STIM1: variants seen among roughly 807,000 people sequenced by gnomAD.
STIM1 encodes the protein stromal interaction molecule 1.
Under a neutral mutation model 74.7 loss-of-function variants are expected in STIM1, and 25 were observed. The observed-to-expected ratio is 0.33, with a 90% confidence interval of 0.24 to 0.47. STIM1 has a LOEUF of 0.47. Among genes scored for constraint, STIM1 ranks in the 20% least tolerant of loss-of-function variants. The pLI, the probability that STIM1 is intolerant of heterozygous loss-of-function variation, is 1.00. For missense variants in STIM1, 728 were observed against 920.8 expected, an observed-to-expected ratio of 0.79 and a Z score of 2.71; for synonymous variants, 328 against 348.8, an observed-to-expected ratio of 0.94 and a Z score of 0.66.
At chr11:3,935,411 C>T (rs931035061) in intron 1 of STIM1, among the ~76,000 whole-genome samples, 13 of 152,194 alleles carry the variant, frequency 8.5e-5, no homozygotes, top group African/African-American at 1.2e-4. Context: ...TTTGTAATGC[C>T]TGTAGATTGT....
chr11:3,954,654 T>C (rs2093189132), intron 1 of STIM1, among the ~76,000 whole-genome samples: 2 of 152,118 alleles, frequency 1.3e-5, no homozygotes, highest in South Asian at 2.1e-4. Flanking sequence ...ATCAGCAGCA[T>C]GAGTCAGAAT....
At chr11:3,857,576 A>C (rs1315177254) in intron 1 of STIM1, among the ~76,000 whole-genome samples, 1 of 151,976 alleles carries the variant, frequency 6.6e-6, no homozygotes, top group Non-Finnish European at 1.5e-5. Context: ...TTACGAGATC[A>C]GTTCTCTTTT....
chr11:4,079,599 T>G (rs543395897), intron 7 of STIM1, among the ~76,000 whole-genome samples: 1 of 152,086 alleles, frequency 6.6e-6, no homozygotes, highest in African/African-American at 2.4e-5. Context: ...TAAAAATAAC[T>G]ATATCAAACC....
At chr11:3,975,824 T>C (rs2093442456) in intron 2 of STIM1, among the ~76,000 whole-genome samples, 1 of 152,118 alleles carries the variant, frequency 6.6e-6, no homozygotes, top group East Asian at 1.9e-4. Flanking sequence ...TTAGAATGGC[T>C]AAAAATAAAA....
intron 2 of STIM1, among the ~76,000 whole-genome samples, chr11:3,986,915 C>T (rs192519394): frequency 9.5e-4 from 144 of 152,274 alleles, no homozygotes; most frequent in Non-Finnish European, 1.8e-3. Context: ...TGCATCAGGC[C>T]TTCTCAGGTA....
intron 1 of STIM1, among the ~76,000 whole-genome samples, chr11:3,910,530 C>A (rs567863807): frequency 2.0e-5 from 3 of 151,930 alleles, no homozygotes; most frequent in African/African-American, 7.3e-5. Flanking sequence ...GAGTTCAAGA[C>A]CAGCCTAGGC....
chr11:4,091,628 G>C lies in STIM1; in HGVS notation c.1981G>C (p.Val661Leu), dbSNP rs1590703566. The change falls in exon 13 of 13, where the codon GTT becomes CTT. Residue 661 changes from valine (V) to leucine (L), a missense_variant. Coordinates refer to ENST00000526596, the MANE Select transcript of STIM1 (RefSeq NM_001382567.1). The stretch of plus-strand genomic sequence containing the variant: ...CCCAGACCCAGACACACCATCTCCA[G>C]TTGGGGACAGCCGAGCCCTGCAAGC... ...SSPDPDTPSP[V>L]GDSRALQASR... 3.1e-6 allele frequency: 5 copies of C among 1,614,200 alleles called. No individual in the cohort carries two copies. The highest frequency in any genetic ancestry group is 4.2e-6 in the Non-Finnish European group (5 of 1,180,036).
At chr11:3,984,642 A>G (rs1187224828) in intron 2 of STIM1, among the ~76,000 whole-genome samples, 1 of 152,216 alleles carries the variant, frequency 6.6e-6, no homozygotes, top group Non-Finnish European at 1.5e-5. Context: ...TGAGTTTATT[A>G]GAATAGCTTT....
intron 1 of STIM1, among the ~76,000 whole-genome samples, chr11:3,930,651 G>C (rs553934625): frequency 6.6e-6 from 1 of 152,280 alleles, no homozygotes; most frequent in Admixed American, 6.5e-5. Flanking sequence ...TTAGCTTGGC[G>C]TACAAGGCAT....
At chr11:4,064,365 A>G (rs1361205260) in intron 5 of STIM1, among the ~76,000 whole-genome samples, 3 of 152,020 alleles carry the variant, frequency 2.0e-5, no homozygotes, top group African/African-American at 7.2e-5. Flanking sequence ...AAAAATCCCT[A>G]TTTCAGTTCT....
At chr11:3,873,951 T>C (rs561596122) in intron 1 of STIM1, among the ~76,000 whole-genome samples, 2 of 152,290 alleles carry the variant, frequency 1.3e-5, no homozygotes, top group African/African-American at 4.8e-5. Context: ...GTGGTTATAG[T>C]CTTTTAAGGT....
intron 1 of STIM1, among the ~76,000 whole-genome samples, chr11:3,960,653 C>T (rs113614384): frequency 5.9e-5 from 9 of 152,078 alleles, no homozygotes; most frequent in African/African-American, 2.2e-4. Context: ...AGAAACCTAC[C>T]GCTTGTTGAG....
chr11:3,890,581 G>A (rs1228578049), intron 1 of STIM1, among the ~76,000 whole-genome samples: 2 of 152,102 alleles, frequency 1.3e-5, no homozygotes, highest in African/African-American at 4.8e-5. Flanking sequence ...GGTGGCACAC[G>A]CCTGTAATCC....
intron 1 of STIM1, among the ~76,000 whole-genome samples, chr11:3,958,990 G>C (rs1015295717): frequency 1.3e-5 from 2 of 149,338 alleles, no homozygotes; most frequent in Non-Finnish European, 1.5e-5. Context: ...TGGCCAGAGC[G>C]TCCATCCCTT....
chr11:4,088,183 T>C (rs1199278451), intron 12 of STIM1, among the ~76,000 whole-genome samples: 1 of 152,208 alleles, frequency 6.6e-6, no homozygotes, highest in Non-Finnish European at 1.5e-5. Flanking sequence ...ATACCCAAGA[T>C]GGTAGACTAG....
intron 4 of STIM1, chr11:4,058,644 T>G: frequency 3.7e-6 from 1 of 272,174 alleles, no homozygotes; most frequent in Non-Finnish European, 5.6e-6. Context: ...GGCTTTCTCT[T>G]ATTAAAGTTA....
At chr11:4,017,012 G>C (rs966232650) in intron 2 of STIM1, among the ~76,000 whole-genome samples, 11 of 152,206 alleles carry the variant, frequency 7.2e-5, no homozygotes, top group Non-Finnish European at 1.6e-4. Flanking sequence ...GAAATCCCCT[G>C]ACCCCTTGCA....
chr11:3,919,175 A>C (rs956150473), intron 1 of STIM1, among the ~76,000 whole-genome samples: 7 of 152,158 alleles, frequency 4.6e-5, no homozygotes, highest in Non-Finnish European at 1.0e-4. Flanking sequence ...TCTGGGGCTG[A>C]AGATGCCAAG....
intron 1 of STIM1, among the ~76,000 whole-genome samples, chr11:3,876,896 CA>C (rs904824840): frequency 9.2e-5 from 14 of 152,204 alleles, no homozygotes; most frequent in African/African-American, 3.1e-4. Flanking sequence ...AGTAGGCTCT[CA>C]AAAAATATTT....
Sources: gnomAD v4.1 joint callset for allele counts (sites outside exome capture counted in the v4.1 genomes callset) on GRCh38, gnomAD v4.1.1 for gene constraint, MANE v1.5 for transcripts, NCBI Gene and HGNC (gene_info 2026-07-23, HGNC 2026-07-21) for gene names.